The following KCNH1 variants were observed in gnomAD, a reference collection of about 807,000 sequenced individuals.
KCNH1 encodes voltage-gated delayed rectifier potassium channel KCNH1.
In KCNH1, 27 loss-of-function variants were observed where a neutral mutation model predicts 69.2. The ratio of observed to expected loss-of-function variants is 0.39; its 90% confidence interval spans 0.29 to 0.54. The LOEUF (loss-of-function observed/expected upper bound fraction) is 0.54, where lower values mean the gene tolerates loss of function less well. Among genes scored for constraint, KCNH1 ranks in the 20% least tolerant of loss-of-function variants. KCNH1 has a pLI of 0.68. For synonymous variants in KCNH1, 456 were observed against 487.7 expected (o/e 0.93, Z 0.86); for missense variants, 798 against 1,261.6 (o/e 0.63, Z 5.57).
At chr1:210,717,048 A>G (rs911705943) in intron 10 of KCNH1, among the ~76,000 whole-genome samples, 7 of 152,186 alleles carry the variant, frequency 4.6e-5, no homozygotes, top group African/African-American at 1.7e-4. Flanking sequence ...ATTTCACCAC[A>G]TACTGATTAA....
At chr1:210,837,429 C>T (rs1034599563) in intron 7 of KCNH1, among the ~76,000 whole-genome samples, 9 of 152,046 alleles carry the variant, frequency 5.9e-5, no homozygotes, top group Non-Finnish European at 7.4e-5. Context: ...TTATCACCAA[C>T]GATTAGTGCA....
intron 10 of KCNH1, among the ~76,000 whole-genome samples, chr1:210,729,230 ACATAAAAAGTGG>A (rs1420142886): frequency 1.3e-5 from 2 of 152,236 alleles, no homozygotes; most frequent in Non-Finnish European, 2.9e-5. Flanking sequence ...ACCAAATCAG[ACATAAAAAGTGG>A]CTTCTTCTTT....
At chr1:210,948,876 A>T (rs1688010937) in intron 6 of KCNH1, among the ~76,000 whole-genome samples, 1 of 151,850 alleles carries the variant, frequency 6.6e-6, no homozygotes, top group South Asian at 2.1e-4. Flanking sequence ...ATGAAGAAAC[A>T]TGCCCGGGTT....
At chr1:210,937,510 T>C (rs2102583755) in intron 6 of KCNH1, among the ~76,000 whole-genome samples, 1 of 152,240 alleles carries the variant, frequency 6.6e-6, no homozygotes, top group African/African-American at 2.4e-5. Flanking sequence ...GCAAGACCCT[T>C]TTGGCTAGAG....
chr1:211,065,108 A>G (rs1690504647), intron 5 of KCNH1, among the ~76,000 whole-genome samples: 1 of 152,240 alleles, frequency 6.6e-6, no homozygotes. Flanking sequence ...TAGAATGACC[A>G]TATGATTCAC....
intron 10 of KCNH1, among the ~76,000 whole-genome samples, chr1:210,744,964 A>T (rs182514109): frequency 6.9e-6 from 1 of 145,618 alleles, no homozygotes. Flanking sequence ...GCACTTTGGG[A>T]GGCCAAGGCG....
At chr1:211,128,783 G>A (rs1366204578) in intron 1 of KCNH1, among the ~76,000 whole-genome samples, 1 of 152,132 alleles carries the variant, frequency 6.6e-6, no homozygotes, top group East Asian at 1.9e-4. Context: ...AAAACAATGG[G>A]CTAAGTCAGT....
chr1:210,757,946 C>G (rs1190491946), intron 10 of KCNH1, among the ~76,000 whole-genome samples: 1 of 152,234 alleles, frequency 6.6e-6, no homozygotes, highest in African/African-American at 2.4e-5. Flanking sequence ...GTCTCCAAAA[C>G]CAATCCTGGG....
At chr1:210,725,142 C>A (rs1473211632) in intron 10 of KCNH1, among the ~76,000 whole-genome samples, 1 of 152,140 alleles carries the variant, frequency 6.6e-6, no homozygotes, top group East Asian at 1.9e-4. Flanking sequence ...GCATTAAGAC[C>A]TTCCTGGCTA....
Position 210,690,573 on chromosome 1 carries a change from A to G in KCNH1, c.2113-6435T>C, listed in dbSNP as rs541293484. On this transcript the variant is annotated intron_variant, in intron 10 of 10. Coordinates refer to ENST00000271751, the MANE Select transcript of KCNH1 (RefSeq NM_172362.3). ...TTTAAGAAACTTAAAACACTGAAAA[A>G]CAAACTGCAGATGGGCAGATAGGAT... Among the ~76,000 whole-genome samples the G allele has an allele frequency of 9.9e-5, 15 of 152,148 alleles. No individual in the cohort carries two copies. In the South Asian group the frequency reaches 3.1e-3, roughly 32 times the overall value.
At chr1:210,851,122 T>C (rs1685693767) in intron 7 of KCNH1, among the ~76,000 whole-genome samples, 1 of 152,216 alleles carries the variant, frequency 6.6e-6, no homozygotes. Flanking sequence ...TCCAGCTTTC[T>C]CTCTGAGTTG....
chr1:210,867,356 CACACACAT>C (rs201023313), intron 7 of KCNH1, among the ~76,000 whole-genome samples: 18,857 of 141,804 alleles, frequency 0.13, 1,230 homozygotes, highest in Non-Finnish European at 0.17. Context: ...CACACACACA[CACACACAT>C]ATATATATAT....
At chr1:210,704,813 A>G (rs565683350) in intron 10 of KCNH1, among the ~76,000 whole-genome samples, 1 of 152,182 alleles carries the variant, frequency 6.6e-6, no homozygotes, top group Non-Finnish European at 1.5e-5. Context: ...ACCCAGTTCC[A>G]CTGGCTCACT....
In KCNH1 at chr1:210,853,946, CAAAAA is replaced by C. The variant is rs11445997; in HGVS notation, c.1463-49785_1463-49781del. Among the ~76,000 whole-genome samples the C allele has an allele frequency of 2.6e-4, 16 of 61,532 alleles. 1 individual carries two copies. Among genetic ancestry groups the C allele is most frequent in the East Asian group, 1.8e-3 (4 of 2,196 alleles). The allele number at this position is 61,532 out of a possible 152,430, so 40.4% of individuals were successfully genotyped here. ...TAGCAGTAAAAGCATTTATCTAAGC[CAAAAA>C]AAAAAAAAAAAAAAAAAGAAACCAA... On this transcript the variant is annotated intron_variant, in intron 7 of 10. Transcript: ENST00000271751.
chr1:211,085,951 A>T (rs1288373656), intron 4 of KCNH1, among the ~76,000 whole-genome samples: 1 of 152,162 alleles, frequency 6.6e-6, no homozygotes, highest in African/African-American at 2.4e-5. Flanking sequence ...TCAAGGAAGG[A>T]TACTGACCTA....
At chr1:210,778,474 T>A (rs1034601413) in intron 9 of KCNH1, among the ~76,000 whole-genome samples, 2 of 145,496 alleles carry the variant, frequency 1.4e-5, no homozygotes, top group East Asian at 4.0e-4. Flanking sequence ...GAGACTGCAG[T>A]GAGCTATAAT....
chr1:210,797,594 T>C lies in KCNH1; in HGVS notation c.1829A>G (p.His610Arg). Residue 610 changes from histidine to arginine, a missense_variant, in exon 9 of 11, where the codon CAT (histidine) becomes CGT (arginine). By Grantham distance (29) the His-to-Arg change is conservative. Coordinates refer to ENST00000271751, the MANE Select transcript of KCNH1 (RefSeq NM_172362.3). The part of the protein sequence containing the change: ...VHCAPGDLIY[H>R]AGESVDSLCF... Reference sequence around the variant, plus strand: ...GAGGCTGTCAACGCTCTCTCCTGCATGGTAGATGAGGTCCCCTGGGGCACA... The same window carrying C: ...GAGGCTGTCAACGCTCTCTCCTGCACGGTAGATGAGGTCCCCTGGGGCACA... The C allele has an allele frequency of 6.2e-7, 1 of 1,614,194 alleles. No homozygotes were observed. Among genetic ancestry groups the C allele is most frequent in the Non-Finnish European group, 8.5e-7 (1 of 1,180,026 alleles).
chr1:210,996,378 G>A (rs530990099), intron 6 of KCNH1, among the ~76,000 whole-genome samples: 107 of 152,266 alleles, frequency 7.0e-4, no homozygotes, highest in African/African-American at 2.3e-3. Context: ...ATGGAGTCTC[G>A]CTCATTGCTA....
chr1:210,920,860 C>G (rs1367136272), intron 6 of KCNH1, among the ~76,000 whole-genome samples: 7 of 152,122 alleles, frequency 4.6e-5, no homozygotes, highest in Non-Finnish European at 1.0e-4. Context: ...AGTCAAGGAA[C>G]CTAAAAGCTA....
Sources: allele counts gnomAD v4.1 joint callset (sites outside exome capture counted in the v4.1 genomes callset), GRCh38; gene constraint gnomAD v4.1.1; transcripts MANE v1.5; gene names NCBI Gene and HGNC (gene_info 2026-07-23, HGNC 2026-07-21).